The following HNRNPUL1 variants were observed in gnomAD, a reference collection of about 807,000 sequenced individuals.
The protein encoded by HNRNPUL1 is heterogeneous nuclear ribonucleoprotein U like 1.
Under a neutral mutation model 108.5 loss-of-function variants are expected in HNRNPUL1, and 14 were observed. That is an observed-to-expected ratio of 0.13 (90% CI 0.09 to 0.20). The LOEUF is 0.20. Ranked by LOEUF, HNRNPUL1 falls within the 10% of genes least tolerant of loss-of-function variation. HNRNPUL1 has a pLI of 1.00. For synonymous variants in HNRNPUL1, 422 were observed against 445.2 expected (o/e 0.95, Z 0.66); for missense variants, 804 against 1,168.3 (o/e 0.69, Z 4.55).
In HNRNPUL1 at chr19:41,293,946, G is replaced by T. The variant is rs189521453; in HGVS notation, c.1267-392G>T. On this transcript the variant is annotated intron_variant, in intron 8 of 14. Transcript: ENST00000392006. ...TGCTTGAGCCTGGGAGTTCAAGGCT[G>T]CAGTGAGCTGTAATTGGGCCATTAC... Among the ~76,000 whole-genome samples the T allele has an allele frequency of 3.3e-5, 5 of 152,310 alleles. No individual in the cohort carries two copies. In the East Asian group the frequency reaches 9.7e-4, roughly 29 times the overall value.
intron 1 of HNRNPUL1, 140 bp downstream of exon 1, chr19:41,264,938 C>A: frequency 1.5e-6 from 2 of 1,327,314 alleles, no homozygotes; most frequent in Non-Finnish European, 1.9e-6. Context: ...CGAAAAGGAT[C>A]TGGGGACCAG....
intron 8 of HNRNPUL1, among the ~76,000 whole-genome samples, chr19:41,293,683 G>A (rs951886497): frequency 1.3e-5 from 2 of 152,198 alleles, no homozygotes; most frequent in African/African-American, 4.8e-5. Flanking sequence ...TATTGCAGGG[G>A]GCGGGGAATG....
chr19:41,265,801 CAG>C (rs945366843), intron 1 of HNRNPUL1, among the ~76,000 whole-genome samples: 13 of 151,340 alleles, frequency 8.6e-5, no homozygotes, highest in African/African-American at 2.4e-4. Context: ...TGGCGGGAGA[CAG>C]AGGATCCTGT....
intron 2 of HNRNPUL1, among the ~76,000 whole-genome samples, chr19:41,269,720 T>C (rs1006825775): frequency 3.3e-5 from 5 of 152,300 alleles, no homozygotes; most frequent in African/African-American, 1.2e-4. Flanking sequence ...GGAGGATCAC[T>C]TGAGCCCAGG....
Position 41,294,829 on chromosome 19 carries a change from C to T in HNRNPUL1, c.1518+143C>T, listed in dbSNP as rs781226524. ...GTCGGGGGGGTCAGACCTTGTCATA[C>T]ATGATGACATGGTACTACACACAGC... On this transcript the variant is annotated intron_variant, in intron 10 of 14. Coordinates refer to ENST00000392006, the MANE Select transcript of HNRNPUL1 (RefSeq NM_007040.6). This position sits in a 1 kb window ranked among gnomAD's most constrained non-coding sequence, Gnocchi z 4.3. 262 of 910,566 alleles carry T rather than the reference C, an allele frequency of 2.9e-4. No individual in the cohort carries two copies. Among genetic ancestry groups the T allele is most frequent in the Non-Finnish European group, 3.9e-4 (233 of 593,686 alleles). The allele number at this position is 910,566 out of a possible 1,614,324, so 56.4% of individuals were successfully genotyped here.
intron 3 of HNRNPUL1, 31 bp from the exon 4 acceptor site, chr19:41,273,951 T>A (rs770097417): frequency 1.3e-6 from 2 of 1,553,754 alleles, no homozygotes; most frequent in Admixed American, 3.3e-5. Flanking sequence ...TCCATTGTTC[T>A]TGTATGACTT....
chr19:41,281,307 A>G, intron 7 of HNRNPUL1, 32 bp downstream of exon 7: 2 of 1,460,098 alleles, frequency 1.4e-6, no homozygotes, highest in Non-Finnish European at 1.9e-6. Flanking sequence ...GAGTTGGCAG[A>G]ACCAGATGTT....
chr19:41,277,467 G>A (rs1180662749), intron 5 of HNRNPUL1, among the ~76,000 whole-genome samples: 2 of 152,172 alleles, frequency 1.3e-5, no homozygotes, highest in Non-Finnish European at 2.9e-5. Flanking sequence ...GAGAAACACT[G>A]CAACAAAATA....
At position 41,302,668 on chromosome 19, in the gene HNRNPUL1, A is replaced by G. The variant is rs1182205871; in HGVS notation, c.1691A>G (p.Asn564Ser). 3 of 1,614,084 alleles carry G rather than the reference A, an allele frequency of 1.9e-6. No homozygotes were observed. The highest frequency in any genetic ancestry group is 2.5e-6 in the Non-Finnish European group (3 of 1,180,002). ...TGGGGCACTTCCTTCCTCCTAGCCAACTTCACGTTGCCAGATGTTGGGGAC... is the reference window on the plus strand; with the variant it reads ...TGGGGCACTTCCTTCCTCCTAGCCAGCTTCACGTTGCCAGATGTTGGGGAC... ...PDHAVLEMKA[N>S]FTLPDVGDFL... Residue 564 changes from asparagine to serine, a missense_variant, in exon 12 of 15, where the codon AAC becomes AGC. Around this residue, in one of 4 missense-constraint regions of HNRNPUL1, gnomAD observed 80 missense variants for 221.8 expected, o/e 0.36. Transcript: ENST00000392006.
intron 2 of HNRNPUL1, 133 bp downstream of exon 2, chr19:41,268,478 C>T (rs2034998756): frequency 2.2e-6 from 2 of 925,480 alleles, no homozygotes; most frequent in East Asian, 2.7e-5. Context: ...AACATTGTCA[C>T]TCTGGCAAGA....
intron 1 of HNRNPUL1, 108 bp downstream of exon 1, chr19:41,264,906 G>T: frequency 1.5e-6 from 2 of 1,340,816 alleles, no homozygotes; most frequent in South Asian, 2.0e-5. Context: ...CCTGAGGATC[G>T]GGGGATCCCG....
intron 12 of HNRNPUL1, among the ~76,000 whole-genome samples, chr19:41,303,467 G>A (rs1010074764): frequency 6.6e-5 from 10 of 150,482 alleles, no homozygotes; most frequent in African/African-American, 1.5e-4. Context: ...CGATTCTCTC[G>A]CCTCAGTCTC....
rs1568432892 is a variant in HNRNPUL1, at chr19:41,274,068, A to G, written c.646+13A>G. 2 of 1,607,620 alleles carry G rather than the reference A, an allele frequency of 1.2e-6. No homozygotes were observed. Among genetic ancestry groups the G allele is most frequent in the South Asian group, 1.1e-5 (1 of 90,940 alleles). Reference sequence around the variant, plus strand: ...GCTATTGACACCTGTAAGTCTTTGGAGTGTGCATCTAATTCTGCCTTACAG... The same window carrying G: ...GCTATTGACACCTGTAAGTCTTTGGGGTGTGCATCTAATTCTGCCTTACAG... On this transcript the variant is annotated intron_variant, in intron 4 of 14. Transcript: ENST00000392006.
intron 13 of HNRNPUL1, among the ~76,000 whole-genome samples, chr19:41,305,304 C>A (rs1180695768): frequency 6.6e-6 from 1 of 152,218 alleles, no homozygotes; most frequent in Non-Finnish European, 1.5e-5. Flanking sequence ...CTGTTGAGTA[C>A]CCAGTGGTTT....
At chr19:41,268,475 TCACTC>T in intron 2 of HNRNPUL1, 130 bp downstream of exon 2, 1 of 944,912 alleles carries the variant, frequency 1.1e-6, no homozygotes, top group African/African-American at 1.7e-5. Flanking sequence ...CTAAACATTG[TCACTC>T]TGGCAAGAAT....
intron 7 of HNRNPUL1, among the ~76,000 whole-genome samples, chr19:41,288,233 T>G (rs989108518): frequency 6.7e-6 from 1 of 148,912 alleles, no homozygotes; most frequent in African/African-American, 2.5e-5. Context: ...TTGTATGTCT[T>G]GGGGGTCTTT....
chr19:41,264,990 A>C, intron 1 of HNRNPUL1, 192 bp downstream of exon 1: 1 of 1,191,190 alleles, frequency 8.4e-7, no homozygotes, highest in Non-Finnish European at 1.0e-6. Flanking sequence ...CACTCAGTGC[A>C]GGGGGGACAC....
In HNRNPUL1 at chr19:41,278,954, T is replaced by G. The variant is rs991876335; in HGVS notation, c.787-123T>G. On this transcript the variant is annotated intron_variant, in intron 5 of 14. Coordinates refer to ENST00000392006, the MANE Select transcript of HNRNPUL1 (RefSeq NM_007040.6). ...AGGCTTTTCAGAGCTGCTTAAACGCTTCTTCTCCAGCAAGAAAAGCCATTG... is the reference window on the plus strand; with the variant it reads ...AGGCTTTTCAGAGCTGCTTAAACGCGTCTTCTCCAGCAAGAAAAGCCATTG... The G allele has an allele frequency of 5.4e-6, 4 of 743,708 alleles. No individual in the cohort carries two copies. The African/African-American group carries it at 6.9e-5, about 13-fold the overall frequency. The allele number at this position is 743,708 out of a possible 1,614,324, so 46.1% of individuals were successfully genotyped here. A position where few individuals can be genotyped will look rare whatever the true frequency, so the allele number is the denominator to read the frequency against.
upstream of HNRNPUL1, among the ~76,000 whole-genome samples, chr19:41,263,349 C>T (rs554523205): frequency 2.6e-5 from 4 of 152,252 alleles, no homozygotes; most frequent in Admixed American, 2.6e-4. Context: ...TTGAGCTTGT[C>T]GGTACAGACG....
Sources: gnomAD v4.1 joint callset for allele counts (sites outside exome capture counted in the v4.1 genomes callset) on GRCh38, gnomAD v4.1.1 for gene constraint, gnomAD v4.1.1 regional missense constraint, Gnocchi (gnomAD v3.1) non-coding constraint, MANE v1.5 for transcripts, NCBI Gene and HGNC (gene_info 2026-07-23, HGNC 2026-07-21) for gene names.